Variants in TMEFF1 observed in about 807,000 individuals in gnomAD.
The protein encoded by TMEFF1 is transmembrane protein with EGF like and two follistatin like domains 1.
TMEFF1 carries 20 observed loss-of-function variants against 47.5 expected under a neutral mutation model. The ratio of observed to expected loss-of-function variants is 0.42; its 90% CI spans 0.30 to 0.61. TMEFF1 has a LOEUF of 0.61. TMEFF1 is among the 20% of genes least tolerant of loss of function. The pLI is 0.19. For synonymous variants in TMEFF1, 162 were observed against 166.3 expected, an observed-to-expected ratio of 0.97 and a Z score of 0.20; for missense variants, 411 against 471.1, an observed-to-expected ratio of 0.87 and a Z score of 1.18.
chr9:100,521,123 A>G (rs1483454262), intron 5 of TMEFF1, among the ~76,000 whole-genome samples: 1 of 152,224 alleles, frequency 6.6e-6, no homozygotes, highest in Non-Finnish European at 1.5e-5. Flanking sequence ...TAAGTTCTAA[A>G]TGTAAAATAA....
At chr9:100,575,889 C>T (rs932224619) in intron 9 of TMEFF1, among the ~76,000 whole-genome samples, 4 of 151,908 alleles carry the variant, frequency 2.6e-5, no homozygotes, top group Admixed American at 6.6e-5. Flanking sequence ...TGTTGAGAAA[C>T]GTGGTAAAAT....
chr9:100,521,752 G>C (rs927512776), intron 5 of TMEFF1, among the ~76,000 whole-genome samples: 2 of 152,160 alleles, frequency 1.3e-5, no homozygotes, highest in African/African-American at 4.8e-5. Context: ...TGCCAATACA[G>C]GTGAGTTATA....
chr9:100,553,390 G>T (rs1050545065), intron 7 of TMEFF1, among the ~76,000 whole-genome samples: 2 of 152,192 alleles, frequency 1.3e-5, no homozygotes, highest in Non-Finnish European at 2.9e-5. Context: ...CCAAGATTGG[G>T]TAGGTAAGGC....
At chr9:100,476,796 G>T (rs1390145809) in intron 1 of TMEFF1, among the ~76,000 whole-genome samples, 7 of 145,936 alleles carry the variant, frequency 4.8e-5, no homozygotes, top group Non-Finnish European at 1.0e-4. Context: ...TCCCGGGTTC[G>T]CGCCATTCTC....
rs1467376307 is a variant in TMEFF1 at position 100,568,873 on chromosome 9, G to T, written c.900-3645G>T. ...TTTAACTTAGCGTAATATTTTCCAG[G>T]TTCATCCATGTCATAACACATATCA... On this transcript the variant is annotated intron_variant, in intron 8 of 9. Coordinates refer to ENST00000374879, the MANE Select transcript of TMEFF1 (RefSeq NM_003692.5). 3.3e-5 allele frequency among the ~76,000 whole-genome samples: 5 copies of T among 151,872 alleles called. No individual in the cohort carries two copies. The East Asian group carries it at 9.7e-4, about 29-fold the overall frequency.
At chr9:100,542,639 T>C (rs922609801) in intron 5 of TMEFF1, among the ~76,000 whole-genome samples, 1 of 152,242 alleles carries the variant, frequency 6.6e-6, no homozygotes, top group Non-Finnish European at 1.5e-5. Flanking sequence ...TTCCCTGTTA[T>C]TCTTACTTCG....
At chr9:100,525,412 A>G (rs1464952070) in intron 5 of TMEFF1, among the ~76,000 whole-genome samples, 1 of 152,036 alleles carries the variant, frequency 6.6e-6, no homozygotes, top group Non-Finnish European at 1.5e-5. Flanking sequence ...TTGGGAAAGC[A>G]CTATACTTAT....
intron 4 of TMEFF1, among the ~76,000 whole-genome samples, chr9:100,516,275 C>T (rs1019594428): frequency 8.5e-5 from 13 of 152,106 alleles, no homozygotes; most frequent in Middle Eastern, 3.4e-3. Context: ...TGTGGTCAGG[C>T]GCTTATCTGC....
intron 7 of TMEFF1, among the ~76,000 whole-genome samples, chr9:100,560,849 A>G (rs1405529238): frequency 6.6e-6 from 1 of 152,194 alleles, no homozygotes; most frequent in Non-Finnish European, 1.5e-5. Context: ...ACTATATGAA[A>G]AGAGCAGCAA....
At chr9:100,540,713 T>C (rs10465147) in intron 5 of TMEFF1, among the ~76,000 whole-genome samples, 39,192 of 152,206 alleles carry the variant, frequency 0.26, 5,968 homozygotes, top group African/African-American at 0.41. Context: ...TCCCTTAGCT[T>C]CTCATCCTTG....
intron 3 of TMEFF1, among the ~76,000 whole-genome samples, chr9:100,511,305 T>C (rs757034055): frequency 3.3e-5 from 5 of 152,192 alleles, no homozygotes; most frequent in Non-Finnish European, 7.4e-5. Context: ...TGTTAAACAT[T>C]AGGCAGCAAA....
chr9:100,560,257 C>T (rs1838989578), intron 7 of TMEFF1, among the ~76,000 whole-genome samples: 1 of 151,994 alleles, frequency 6.6e-6, no homozygotes, highest in South Asian at 2.1e-4. Context: ...TCCTTTAGTC[C>T]TCTCAAAACT....
chr9:100,524,353 C>T (rs1297812852), intron 5 of TMEFF1, among the ~76,000 whole-genome samples: 6 of 152,192 alleles, frequency 3.9e-5, no homozygotes, highest in Non-Finnish European at 8.8e-5. Context: ...TTGTGTTAAC[C>T]TAGCCATGGA....
chr9:100,547,744 G>T lies in TMEFF1; in HGVS notation c.561G>T (p.Gly187=), dbSNP rs1475301965. 2 of 1,546,244 alleles carry T rather than the reference G, an allele frequency of 1.3e-6. No homozygotes were observed. Among genetic ancestry groups the T allele is most frequent in the Non-Finnish European group, 1.7e-6 (2 of 1,148,530 alleles). The change falls in exon 6 of 10, where the codon GGG becomes GGT. Residue 187 remains glycine, a splice_region_variant and synonymous_variant. Coordinates refer to ENST00000374879, the MANE Select transcript of TMEFF1 (RefSeq NM_003692.5). ...AGGTAATTTTTGTCTTTTCCAACAG[G>T]TGTGTATGTAATATAGATTGCAGTG... ...AECDEDAENV[G]CVCNIDCSGY... is the part of the protein sequence containing the mutation.
rs139500461 is a variant in TMEFF1 at position 100,565,391 on chromosome 9, A to G, written c.899+3871A>G. Among the ~76,000 whole-genome samples, 739 of 152,230 alleles carry G rather than the reference A, an allele frequency of 4.9e-3. 7 individuals carry two copies. The highest frequency in any genetic ancestry group is 0.017 in the African/African-American group (689 of 41,546). On this transcript the variant is annotated intron_variant, in intron 8 of 9. Coordinates refer to ENST00000374879, the MANE Select transcript of TMEFF1 (RefSeq NM_003692.5). The stretch of plus-strand genomic sequence containing the variant: ...ATTGCTTCATCATACTCACTTGCCA[A>G]AACTGTAGTCCTGGTTCCTCCCAGC...
At chr9:100,494,356 A>G (rs1235390065) in intron 1 of TMEFF1, among the ~76,000 whole-genome samples, 3 of 152,174 alleles carry the variant, frequency 2.0e-5, no homozygotes, top group Non-Finnish European at 2.9e-5. Flanking sequence ...TTTACACACA[A>G]TCATTCTATT....
intron 1 of TMEFF1, among the ~76,000 whole-genome samples, chr9:100,488,997 A>G (rs1442054219): frequency 6.6e-6 from 1 of 152,176 alleles, no homozygotes; most frequent in East Asian, 1.9e-4. Context: ...TGCAGTGATC[A>G]TCACTATCTA....
intron 5 of TMEFF1, chr9:100,518,462 G>A: frequency 5.1e-6 from 5 of 985,422 alleles, no homozygotes; most frequent in Non-Finnish European, 6.0e-6. Flanking sequence ...GACCATGGAA[G>A]GGCTTACCAA....
chr9:100,495,109 T>G (rs1353060604), intron 1 of TMEFF1, among the ~76,000 whole-genome samples: 1 of 152,152 alleles, frequency 6.6e-6, no homozygotes, highest in East Asian at 1.9e-4. Context: ...AGGCACACCC[T>G]AGTCCAGGAC....
Sources: gnomAD v4.1 joint callset for allele counts (sites outside exome capture counted in the v4.1 genomes callset) on GRCh38, gnomAD v4.1.1 for gene constraint, MANE v1.5 for transcripts, NCBI Gene and HGNC (gene_info 2026-07-23, HGNC 2026-07-21) for gene names.